The following LRRC37A2 variants were observed in gnomAD, a reference collection of about 807,000 sequenced individuals.
The protein encoded by LRRC37A2 is leucine rich repeat containing 37 member A2, also known as leucine-rich repeat-containing protein 37A2.
LRRC37A2 carries 9 observed loss-of-function variants against 68.8 expected under a neutral mutation model. The ratio of observed to expected loss-of-function variants is 0.13; its 90% CI spans 0.08 to 0.23. The LOEUF is 0.23. Among genes scored for constraint, LRRC37A2 ranks in the 10% least tolerant of loss-of-function variants. The pLI, the probability that LRRC37A2 is intolerant of heterozygous loss-of-function variation, is 1.00. For missense variants in LRRC37A2, 168 were observed against 950.4 expected (o/e 0.18, Z 10.82); for synonymous variants, 63 against 367.6 (o/e 0.17, Z 9.48).
At chr17:46,749,959 T>C in the LRRC37A2 span, 10 of 1,583,890 alleles carry the variant, frequency 6.3e-6, no homozygotes, top group Non-Finnish European at 8.6e-6. Flanking sequence ...GAATTGAGGC[T>C]GAAATAAGTA....
chr17:46,540,598 T>TA (rs537940033), intron 7 of LRRC37A2, among the ~76,000 whole-genome samples: 5,786 of 115,186 alleles, frequency 0.05, 2 homozygotes, highest in Non-Finnish European at 0.065. Context: ...AAGATAATGG[T>TA]AAAAAAAAAA....
At chr17:46,550,943 A>G (rs1173066172) in intron 11 of LRRC37A2, among the ~76,000 whole-genome samples, 1 of 149,104 alleles carries the variant, frequency 6.7e-6, no homozygotes, top group Non-Finnish European at 1.5e-5. Context: ...AGACATACGT[A>G]TTGTCTTGTA....
chr17:46,862,653 G>C, the LRRC37A2 span, among the ~76,000 whole-genome samples: 2 of 152,124 alleles, frequency 1.3e-5, no homozygotes, highest in Admixed American at 1.3e-4. Context: ...CAGGATCTTA[G>C]CTCACTACAA....
chr17:46,717,726 A>G, the LRRC37A2 span, among the ~76,000 whole-genome samples: 42 of 152,044 alleles, frequency 2.8e-4, no homozygotes, highest in Non-Finnish European at 4.7e-4. Context: ...ATAAAATAAA[A>G]TAATGTGTCG....
At chr17:46,846,224 T>A in the LRRC37A2 span, among the ~76,000 whole-genome samples, 1 of 152,230 alleles carries the variant, frequency 6.6e-6, no homozygotes, top group African/African-American at 2.4e-5. Context: ...CTGTCTCTCA[T>A]GAACATTATA....
chr17:46,786,748 G>T, the LRRC37A2 span, among the ~76,000 whole-genome samples: 1 of 152,142 alleles, frequency 6.6e-6, no homozygotes, highest in African/African-American at 2.4e-5. Flanking sequence ...GGCCTACTTG[G>T]GGTCACAGCA....
At chr17:46,542,224 TTTTG>T (rs2055457673) in intron 8 of LRRC37A2, among the ~76,000 whole-genome samples, 1 of 141,146 alleles carries the variant, frequency 7.1e-6, no homozygotes, top group Non-Finnish European at 1.5e-5. Context: ...GCTTGTGATT[TTTTG>T]TTTCTTACCT....
the LRRC37A2 span, among the ~76,000 whole-genome samples, chr17:46,707,786 CT>C: frequency 6.6e-6 from 1 of 152,206 alleles, no homozygotes; most frequent in East Asian, 1.9e-4. Flanking sequence ...AATCCCAGCA[CT>C]TTTGGAGATT....
the LRRC37A2 span, among the ~76,000 whole-genome samples, chr17:46,974,281 GTGCCTGGCACAGT>G: frequency 1.0e-3 from 158 of 152,366 alleles, no homozygotes; most frequent in Admixed American, 1.8e-3. Context: ...TGCTCACCCA[GTGCCTGGCACAGT>G]GCCTAGCCCA....
At chr17:46,765,619 T>C in the LRRC37A2 span, among the ~76,000 whole-genome samples, 2 of 152,370 alleles carry the variant, frequency 1.3e-5, no homozygotes, top group Admixed American at 6.5e-5. Flanking sequence ...CTGCCATCCC[T>C]GCCAGTGCAT....
At chr17:46,708,267 A>G in the LRRC37A2 span, among the ~76,000 whole-genome samples, 4 of 152,138 alleles carry the variant, frequency 2.6e-5, no homozygotes, top group African/African-American at 7.2e-5. Flanking sequence ...AGGGACCACC[A>G]TACCGTTTTC....
chr17:46,830,276 A>T, the LRRC37A2 span, among the ~76,000 whole-genome samples: 1 of 151,880 alleles, frequency 6.6e-6, no homozygotes, highest in East Asian at 1.9e-4. Flanking sequence ...TTTTGAGATG[A>T]GGTCTCGCTC....
At chr17:46,788,237 T>G in the LRRC37A2 span, among the ~76,000 whole-genome samples, 10 of 152,114 alleles carry the variant, frequency 6.6e-5, no homozygotes, top group East Asian at 1.9e-4. Flanking sequence ...CTAATTCAAA[T>G]TTTTCCTAAG....
intron 8 of LRRC37A2, among the ~76,000 whole-genome samples, chr17:46,541,786 G>C (rs932730985): frequency 1.3e-5 from 2 of 150,986 alleles, no homozygotes; most frequent in African/African-American, 5.0e-5. Context: ...GGTACTTAGA[G>C]TATACCTGAG....
the LRRC37A2 span, among the ~76,000 whole-genome samples, chr17:46,635,512 A>G: frequency 1.0e-5 from 1 of 100,344 alleles, no homozygotes; most frequent in Admixed American, 1.0e-4. Context: ...ATTATATTTC[A>G]TAATTAACTG....
At chr17:46,852,518 C>A in the LRRC37A2 span, among the ~76,000 whole-genome samples, 1 of 150,436 alleles carries the variant, frequency 6.6e-6, no homozygotes, top group African/African-American at 2.4e-5. Context: ...GGGGAGAGAG[C>A]CGGACAGGAA....
the LRRC37A2 span, among the ~76,000 whole-genome samples, chr17:46,832,127 G>T: frequency 6.6e-6 from 1 of 151,566 alleles, no homozygotes; most frequent in Non-Finnish European, 1.5e-5. Context: ...CCTGAAAGGT[G>T]GGGGAGGAAG....
chr17:47,031,634 A>G, the LRRC37A2 span, among the ~76,000 whole-genome samples: 6 of 145,896 alleles, frequency 4.1e-5, no homozygotes, highest in South Asian at 1.4e-3. Context: ...ACACTCATAT[A>G]TTGGCTTGTC....
the LRRC37A2 span, among the ~76,000 whole-genome samples, chr17:46,703,680 C>CAAAAAAAAAAAAAAAAA: frequency 2.7e-5 from 1 of 37,708 alleles, no homozygotes; most frequent in African/African-American, 1.1e-4. Context: ...GACTCCGTCT[C>CAAAAAAAAAAAAAAAAA]AAAAAAAAAA....
Sources: gnomAD v4.1 joint callset for allele counts (sites outside exome capture counted in the v4.1 genomes callset) on GRCh38, gnomAD v4.1.1 for gene constraint, MANE v1.5 for transcripts, NCBI Gene and HGNC (gene_info 2026-07-23, HGNC 2026-07-21) for gene names.